DTWD2: variants seen among roughly 807,000 people sequenced by gnomAD.
DTWD2 encodes DTW motif tRNA-uridine aminocarboxypropyltransferase 2.
DTWD2 carries 39 observed loss-of-function variants against 31.8 expected under a neutral mutation model. The observed-to-expected ratio is 1.22, with a 90% CI of 0.95 to 1.60. The LOEUF is 1.60. Ranked by LOEUF, DTWD2 falls within the 40% of genes most tolerant of loss-of-function variation. The pLI is 0.00. For missense variants in DTWD2, 515 were observed against 381.5 expected (o/e 1.35, Z -2.92); for synonymous variants, 180 against 142.8 (o/e 1.26, Z -1.86).
At chr5:118,874,188 A>G (rs1752570620) in intron 4 of DTWD2, among the ~76,000 whole-genome samples, 1 of 152,194 alleles carries the variant, frequency 6.6e-6, no homozygotes, top group Non-Finnish European at 1.5e-5. Flanking sequence ...ATAAAAGAAA[A>G]AGAAAACCCA....
chr5:118,955,009 T>C (rs1754553339), intron 1 of DTWD2, among the ~76,000 whole-genome samples: 1 of 152,188 alleles, frequency 6.6e-6, no homozygotes, highest in East Asian at 1.9e-4. Context: ...TCTTCCTTTA[T>C]TATATTTTGT....
chr5:118,937,383 C>CAAAAAAAA (rs70982459), intron 3 of DTWD2, among the ~76,000 whole-genome samples: 1 of 132,198 alleles, frequency 7.6e-6, no homozygotes. Flanking sequence ...GTTATCACTG[C>CAAAAAAAA]AAAAAAAAAA....
At chr5:118,932,095 C>T (rs2149580513) in intron 3 of DTWD2, among the ~76,000 whole-genome samples, 1 of 152,086 alleles carries the variant, frequency 6.6e-6, no homozygotes, top group Admixed American at 6.5e-5. Flanking sequence ...GAGAGATATT[C>T]ATAGCATTAA....
intron 4 of DTWD2, among the ~76,000 whole-genome samples, chr5:118,869,867 G>T (rs74844472): frequency 6.6e-6 from 1 of 152,104 alleles, no homozygotes; most frequent in African/African-American, 2.4e-5. Flanking sequence ...TTGGAGGTGG[G>T]GGCCTTGTAA....
chr5:118,949,878 G>A (rs899173835), intron 1 of DTWD2, among the ~76,000 whole-genome samples: 14 of 152,136 alleles, frequency 9.2e-5, no homozygotes, highest in Admixed American at 9.2e-4. Flanking sequence ...TAAGGGAACT[G>A]GGCACGTGGG....
At chr5:118,953,910 T>C (rs1230729003) in intron 1 of DTWD2, among the ~76,000 whole-genome samples, 3 of 152,202 alleles carry the variant, frequency 2.0e-5, no homozygotes, top group Admixed American at 1.3e-4. Context: ...GCCTGGTATC[T>C]TATCCCAGAT....
At chr5:118,972,135 A>C (rs542243255) in intron 1 of DTWD2, among the ~76,000 whole-genome samples, 1 of 152,356 alleles carries the variant, frequency 6.6e-6, no homozygotes, top group South Asian at 2.1e-4. Context: ...GCATAACTGA[A>C]GGAGACAGAG....
rs148933371 is a variant in DTWD2 at position 118,913,179 on chromosome 5, G to A, written c.597+15358C>T. Among the ~76,000 whole-genome samples, 1,433 of 151,988 alleles carry A rather than the reference G, an allele frequency of 9.4e-3. 8 individuals carry two copies. The highest frequency in any genetic ancestry group is 0.024 in the Middle Eastern group (7 of 294). On this transcript the variant is annotated intron_variant, in intron 4 of 5. Coordinates refer to ENST00000510708, the MANE Select transcript of DTWD2 (RefSeq NM_173666.4). ...CACCTCAGGTATAAATGGGTTAAAC[G>A]TTCTTCTAATTGTCCCTAGCTTAGA...
At chr5:118,876,781 C>G (rs926194429) in intron 4 of DTWD2, among the ~76,000 whole-genome samples, 1 of 152,202 alleles carries the variant, frequency 6.6e-6, no homozygotes, top group South Asian at 2.1e-4. Flanking sequence ...GGATTCACAG[C>G]TGAACTCTGC....
At chr5:118,904,564 T>C (rs1438126571) in intron 4 of DTWD2, among the ~76,000 whole-genome samples, 1 of 152,108 alleles carries the variant, frequency 6.6e-6, no homozygotes, top group Admixed American at 6.6e-5. Flanking sequence ...TTAGAAAAAT[T>C]CCTTACATAA....
intron 4 of DTWD2, among the ~76,000 whole-genome samples, chr5:118,915,355 T>C (rs1367257338): frequency 2.0e-5 from 3 of 151,276 alleles, no homozygotes; most frequent in Non-Finnish European, 2.9e-5. Context: ...AAATAACCCA[T>C]ATGTAAGCTA....
chr5:118,951,130 G>T (rs565105518), intron 1 of DTWD2, among the ~76,000 whole-genome samples: 74 of 152,304 alleles, frequency 4.9e-4, no homozygotes, highest in African/African-American at 1.7e-3. Flanking sequence ...CATGCCTTTA[G>T]CTCCAGACAC....
intron 1 of DTWD2, among the ~76,000 whole-genome samples, chr5:118,962,194 C>T (rs1026659271): frequency 5.9e-5 from 9 of 152,084 alleles, no homozygotes; most frequent in South Asian, 2.1e-4. Context: ...GCCGAGATCA[C>T]GCCATTGCAC....
chr5:118,985,277 AG>A (rs2149605835), intron 1 of DTWD2, among the ~76,000 whole-genome samples: 1 of 152,120 alleles, frequency 6.6e-6, no homozygotes, highest in South Asian at 2.1e-4. Context: ...CCTAAATATT[AG>A]AATCCAGATT....
At chr5:118,932,323 TAA>T (rs747699056) in intron 3 of DTWD2, among the ~76,000 whole-genome samples, 9 of 94,314 alleles carry the variant, frequency 9.5e-5, no homozygotes, top group Admixed American at 2.1e-4. Context: ...CAAAAAAATT[TAA>T]AAAAAAAAAA....
At chr5:118,987,451 T>C (rs1490300537) in intron 1 of DTWD2, among the ~76,000 whole-genome samples, 1 of 152,226 alleles carries the variant, frequency 6.6e-6, no homozygotes, top group East Asian at 1.9e-4. Flanking sequence ...AGTCCTTCTG[T>C]TCCCCTTCTT....
intron 4 of DTWD2, among the ~76,000 whole-genome samples, chr5:118,858,790 T>C (rs1466368949): frequency 1.3e-5 from 2 of 152,182 alleles, no homozygotes; most frequent in African/African-American, 2.4e-5. Flanking sequence ...TATACCCTAG[T>C]ATCATCAAAC....
intron 1 of DTWD2, among the ~76,000 whole-genome samples, chr5:118,949,873 G>C (rs1754420725): frequency 6.6e-6 from 1 of 152,112 alleles, no homozygotes; most frequent in South Asian, 2.1e-4. Context: ...CCTAATAAGG[G>C]AACTGGGCAC....
intron 5 of DTWD2, among the ~76,000 whole-genome samples, chr5:118,847,658 C>T (rs773744297): frequency 1.3e-5 from 2 of 150,356 alleles, no homozygotes; most frequent in Non-Finnish European, 3.0e-5. Context: ...GCAAGGTTAA[C>T]ACGAGAAACA....
Sources: allele counts gnomAD v4.1 joint callset (sites outside exome capture counted in the v4.1 genomes callset), GRCh38; gene constraint gnomAD v4.1.1; transcripts MANE v1.5; gene names NCBI Gene and HGNC (gene_info 2026-07-23, HGNC 2026-07-21).